IL15RA: variants seen among roughly 807,000 people sequenced by gnomAD.
IL15RA encodes the protein interleukin-15 receptor subunit alpha.
Under a neutral mutation model 24.2 loss-of-function variants are expected in IL15RA, and 26 were observed. That is an observed-to-expected ratio of 1.07 (90% confidence interval 0.79 to 1.49). The LOEUF (loss-of-function observed/expected upper bound fraction) is 1.49, where lower values mean the gene tolerates loss of function less well. Among genes scored for constraint, IL15RA ranks in the 40% most tolerant of loss-of-function variants. The pLI is 0.00. For synonymous variants in IL15RA, 166 were observed against 157.6 expected, an observed-to-expected ratio of 1.05 and a Z score of -0.40; for missense variants, 354 against 356.4, an observed-to-expected ratio of 0.99 and a Z score of 0.05.
Position 5,966,005 on chromosome 10 carries a change from G to A in IL15RA, c.283+140C>T. The A allele has an allele frequency of 3.6e-6, 2 of 557,314 alleles. No homozygotes were observed. Among genetic ancestry groups the A allele is most frequent in the South Asian group, 5.7e-5 (2 of 35,000 alleles). 34.5% of individuals were successfully genotyped at this position (557,314 alleles called of 1,614,324 possible). On this transcript the variant is annotated intron_variant, in intron 2 of 6. Transcript: ENST00000379977. The surrounding 1 kb of genome is among the most constrained non-coding windows in gnomAD (Gnocchi z 6.4). ...CAAAGTGCTGGGATTACAGGTGTGA[G>A]CCACCGTGCCCGGCCCCCACTGGTG...
In IL15RA at chr10:5,959,967, C is replaced by T. The variant is rs1434704870; in HGVS notation, c.584-181G>A. ...GTAGCTCACTGAGGTGCTGGCCACA[C>T]TTAAGAATCAGATAAGCCTTACAGA... On this transcript the variant is annotated intron_variant, in intron 4 of 6. Transcript: ENST00000379977. The surrounding 1 kb of genome is among the most constrained non-coding windows in gnomAD (Gnocchi z 4.1). 6.6e-6 allele frequency among the ~76,000 whole-genome samples: 1 copy of T among 152,212 alleles called. No homozygotes were observed.
chr10:5,963,896 G>T lies in IL15RA; in HGVS notation c.284-55C>A. On this transcript the variant is annotated intron_variant, in intron 2 of 6. Coordinates refer to ENST00000379977, the MANE Select transcript of IL15RA (RefSeq NM_002189.4). This position sits in a 1 kb window ranked among gnomAD's most constrained non-coding sequence, Gnocchi z 5.3. The stretch of plus-strand genomic sequence containing the variant: ...TGATCCTGAGCCTGGAACCTGGGCT[G>T]GCTTCAGAACGGGATACAAATAAAA... 1 of 1,178,524 alleles carries T rather than the reference G, an allele frequency of 8.5e-7. No individual in the cohort carries two copies. Among genetic ancestry groups the T allele is most frequent in the Non-Finnish European group, 1.2e-6 (1 of 836,960 alleles). The allele number at this position is 1,178,524 out of a possible 1,614,324, so 73.0% of individuals were successfully genotyped here. A position where few individuals can be genotyped will look rare whatever the true frequency, so the allele number is the denominator to read the frequency against.
rs1479243198 is a variant in IL15RA at position 5,964,358 on chromosome 10, G to T, written c.284-517C>A. On this transcript the variant is annotated intron_variant, in intron 2 of 6. Coordinates refer to ENST00000379977, the MANE Select transcript of IL15RA (RefSeq NM_002189.4). The surrounding 1 kb of genome is among the most constrained non-coding windows in gnomAD (Gnocchi z 5.6). ...CTTTTAATTTTTTTGGTAGAGACAG[G>T]GTCTTGCTATGTTGCTGAGGCTGGT... Among the ~76,000 whole-genome samples the T allele has an allele frequency of 6.6e-6, 1 of 152,030 alleles. No individual in the cohort carries two copies. The highest frequency in any genetic ancestry group is 1.5e-5 in the Non-Finnish European group (1 of 68,018).
chr10:5,953,834 G>T lies in IL15RA; in HGVS notation c.693-628C>A. ...GCTCCCGAATGACAAGCACAGGCGA[G>T]GCAGGACACTGGTCATACGTGGCTG... On this transcript the variant is annotated intron_variant, in intron 6 of 6. Transcript: ENST00000379977. This position sits in a 1 kb window ranked among gnomAD's most constrained non-coding sequence, Gnocchi z 5.3. The T allele has an allele frequency of 6.1e-6, 1 of 164,102 alleles. No homozygotes were observed. Among genetic ancestry groups the T allele is most frequent in the Non-Finnish European group, 1.3e-5 (1 of 74,718 alleles). The allele number at this position is 164,102 out of a possible 1,614,324, so 10.2% of individuals were successfully genotyped here.
At position 5,959,886 on chromosome 10, in the gene IL15RA, C is replaced by A; in HGVS notation, c.584-100G>T. On this transcript the variant is annotated intron_variant, in intron 4 of 6. Coordinates refer to ENST00000379977, the MANE Select transcript of IL15RA (RefSeq NM_002189.4). This position sits in a 1 kb window ranked among gnomAD's most constrained non-coding sequence, Gnocchi z 4.1. ...GCATGGCTTGGCTCCCATCTTAGCA[C>A]CCTGGGAGACTCGTGGCTGGCGTAA... 1 of 1,107,240 alleles carries A rather than the reference C, an allele frequency of 9.0e-7. No homozygotes were observed. Among genetic ancestry groups the A allele is most frequent in the Non-Finnish European group, 1.4e-6 (1 of 734,076 alleles). 68.6% of individuals were successfully genotyped at this position (1,107,240 alleles called of 1,614,324 possible). A position where few individuals can be genotyped will look rare whatever the true frequency, so the allele number is the denominator to read the frequency against.
upstream of IL15RA, chr10:5,977,783 A>C (rs1838695662): frequency 3.6e-6 from 2 of 553,820 alleles, no homozygotes; most frequent in Non-Finnish European, 5.4e-6. Flanking sequence ...TTACCCACGC[A>C]AGCCCGGGAG....
rs568608969 is a variant in IL15RA, at chr10:5,963,675, G to A, written c.382+68C>T. 5.7e-5 allele frequency: 55 copies of A among 962,916 alleles called. No individual in the cohort carries two copies. Among genetic ancestry groups the A allele is most frequent in the Middle Eastern group, 4.3e-4 (2 of 4,640 alleles). 59.6% of individuals were successfully genotyped at this position (962,916 alleles called of 1,614,324 possible). ...ACCACAGAGGTCCGTGAGTCTGCAG[G>A]ATTGGTGAGCGGGCCTCTGGGTGTT... On this transcript the variant is annotated intron_variant, in intron 3 of 6. Transcript: ENST00000379977. The surrounding 1 kb of genome is among the most constrained non-coding windows in gnomAD (Gnocchi z 5.3).
chr10:5,964,842 C>T lies in IL15RA; in HGVS notation c.284-1001G>A, dbSNP rs777861624. On this transcript the variant is annotated intron_variant, in intron 2 of 6. Transcript: ENST00000379977. This position sits in a 1 kb window ranked among gnomAD's most constrained non-coding sequence, Gnocchi z 5.6. ...CCCACAGATCCTGCTCACCCCGCCA[C>T]GCTCAGCTTTCCCATTCACTCACTG... Among the ~76,000 whole-genome samples the T allele has an allele frequency of 5.3e-5, 8 of 152,370 alleles. No homozygotes were observed. Among genetic ancestry groups the T allele is most frequent in the Middle Eastern group, 3.4e-3 (1 of 294 alleles).
chr10:5,958,384 T>C lies in IL15RA; in HGVS notation c.616+1370A>G, dbSNP rs141340544. 3.6e-4 allele frequency: 159 copies of C among 438,054 alleles called. 1 individual carries two copies. Among genetic ancestry groups the C allele is most frequent in the African/African-American group, 2.9e-3 (142 of 49,424 alleles). 27.1% of individuals were successfully genotyped at this position (438,054 alleles called of 1,614,324 possible). On this transcript the variant is annotated intron_variant, in intron 5 of 6. Coordinates refer to ENST00000379977, the MANE Select transcript of IL15RA (RefSeq NM_002189.4). The surrounding 1 kb of genome is among the most constrained non-coding windows in gnomAD (Gnocchi z 4.3). Reference sequence around the variant, plus strand: ...GGGATTTTTGAGTTAGAAATGGGATTTGCTTTTCGTCTTTTTTTTGAGACA... The same window carrying C: ...GGGATTTTTGAGTTAGAAATGGGATCTGCTTTTCGTCTTTTTTTTGAGACA...
In IL15RA at chr10:5,970,338, T is replaced by C. The variant is rs6602354; in HGVS notation, c.89-3999A>G. On this transcript the variant is annotated intron_variant, in intron 1 of 6. Transcript: ENST00000379977. The surrounding 1 kb of genome is among the most constrained non-coding windows in gnomAD (Gnocchi z 4.1). Reference sequence around the variant, plus strand: ...TTGTTCTATGTTTTGCTTTGACATATGTTATACCCCATGACACATTGTTAT... The same window carrying C: ...TTGTTCTATGTTTTGCTTTGACATACGTTATACCCCATGACACATTGTTAT... Among the ~76,000 whole-genome samples the C allele has an allele frequency of 0.97, 148,304 of 152,340 alleles. 72,185 individuals are homozygous for C. The highest frequency in any genetic ancestry group is 0.98 in the Admixed American group (15,040 of 15,302).
intron 6 of IL15RA, among the ~76,000 whole-genome samples, chr10:5,954,971 A>C (rs1258394149): frequency 2.6e-5 from 4 of 151,946 alleles, no homozygotes; most frequent in Non-Finnish European, 4.4e-5. Context: ...TGGCTTTTTT[A>C]TTGGTCGGGA....
Position 5,959,984 on chromosome 10 carries a change from C to A in IL15RA, c.584-198G>T, listed in dbSNP as rs191138170. The stretch of plus-strand genomic sequence containing the variant: ...TGGCCACACTTAAGAATCAGATAAG[C>A]CTTACAGAAGGTCCCCATTACCCTC... On this transcript the variant is annotated intron_variant, in intron 4 of 6. Coordinates refer to ENST00000379977, the MANE Select transcript of IL15RA (RefSeq NM_002189.4). This position sits in a 1 kb window ranked among gnomAD's most constrained non-coding sequence, Gnocchi z 4.1. Among the ~76,000 whole-genome samples the A allele has an allele frequency of 6.6e-6, 1 of 152,294 alleles. No homozygotes were observed. Among genetic ancestry groups the A allele is most frequent in the East Asian group, 1.9e-4 (1 of 5,182 alleles).
chr10:5,968,902 C>T lies in IL15RA; in HGVS notation c.89-2563G>A, dbSNP rs1420167175. 6.8e-7 allele frequency: 1 copy of T among 1,463,498 alleles called. No homozygotes were observed. Among genetic ancestry groups the T allele is most frequent in the East Asian group, 2.5e-5 (1 of 40,588 alleles). 90.7% of individuals were successfully genotyped at this position (1,463,498 alleles called of 1,614,324 possible). On this transcript the variant is annotated intron_variant, in intron 1 of 6. Transcript: ENST00000379977. This position sits in a 1 kb window ranked among gnomAD's most constrained non-coding sequence, Gnocchi z 5.4. ...CTTTCAGATATTCTGCTCCTTCCCG[C>T]CAGGACAGCCAGCCTGTCTCTTGCA...
chr10:5,956,788 T>C (rs1834585349), intron 5 of IL15RA, among the ~76,000 whole-genome samples: 1 of 152,112 alleles, frequency 6.6e-6, no homozygotes. Flanking sequence ...AAGAGTGCGA[T>C]GAGGAGAGAG....
rs535385186 is a variant in IL15RA at position 5,963,662 on chromosome 10, C to T, written c.382+81G>A. 14 of 795,284 alleles carry T rather than the reference C, an allele frequency of 1.8e-5. No homozygotes were observed. Among genetic ancestry groups the T allele is most frequent in the African/African-American group, 1.5e-4 (8 of 54,470 alleles). The allele number at this position is 795,284 out of a possible 1,614,324, so 49.3% of individuals were successfully genotyped here. On this transcript the variant is annotated intron_variant, in intron 3 of 6. Coordinates refer to ENST00000379977, the MANE Select transcript of IL15RA (RefSeq NM_002189.4). The surrounding 1 kb of genome is among the most constrained non-coding windows in gnomAD (Gnocchi z 5.3). ...TCTGCAGTGGCACACCACAGAGGTCCGTGAGTCTGCAGGATTGGTGAGCGG... is the reference window on the plus strand; with the variant it reads ...TCTGCAGTGGCACACCACAGAGGTCTGTGAGTCTGCAGGATTGGTGAGCGG...
chr10:5,956,473 C>T lies in IL15RA; in HGVS notation c.617-19G>A, dbSNP rs150111327. 3.2e-4 allele frequency: 510 copies of T among 1,580,718 alleles called. 3 individuals carry two copies. The highest frequency in any genetic ancestry group is 3.0e-3 in the African/African-American group (221 of 74,356). On this transcript the variant is annotated intron_variant, in intron 5 of 6. Coordinates refer to ENST00000379977, the MANE Select transcript of IL15RA (RefSeq NM_002189.4). ...ATAGCCACTGAAAGGGAGGAGACCA[C>T]GCTGAGATACCCAGAAGCACATTCA...
At chr10:5,972,644 T>G (rs1352757017) in intron 1 of IL15RA, among the ~76,000 whole-genome samples, 1 of 152,260 alleles carries the variant, frequency 6.6e-6, no homozygotes, top group East Asian at 1.9e-4. Context: ...ACTGCATACA[T>G]GCCCACATAT....
chr10:5,969,824 A>G (rs1263133424), intron 1 of IL15RA, among the ~76,000 whole-genome samples: 1 of 152,208 alleles, frequency 6.6e-6, no homozygotes, highest in East Asian at 1.9e-4. Flanking sequence ...CTCTTGATTT[A>G]TTTAAGAATT....
Position 5,955,720 on chromosome 10 carries a change from C to G in IL15RA, c.692+659G>C, listed in dbSNP as rs140698930. On this transcript the variant is annotated intron_variant, in intron 6 of 6. Coordinates refer to ENST00000379977, the MANE Select transcript of IL15RA (RefSeq NM_002189.4). The surrounding 1 kb of genome is among the most constrained non-coding windows in gnomAD (Gnocchi z 5.3). ...ATACAAAATTAAGGCTAACATGAAT[C>G]AGTATATTTATAAGAAGGCATACCC... Among the ~76,000 whole-genome samples the G allele has an allele frequency of 1.6e-4, 24 of 152,214 alleles. No homozygotes were observed. In the East Asian group the frequency reaches 4.2e-3, roughly 27 times the overall value.
Sources: allele counts gnomAD v4.1 joint callset (sites outside exome capture counted in the v4.1 genomes callset), GRCh38; gene constraint gnomAD v4.1.1; non-coding constraint Gnocchi (gnomAD v3.1); transcripts MANE v1.5; gene names NCBI Gene and HGNC (gene_info 2026-07-23, HGNC 2026-07-21).